Variants in CFHR5 observed in about 807,000 individuals in gnomAD.
CFHR5 encodes complement factor H-related protein 5.
CFHR5 carries 73 observed loss-of-function variants against 62.9 expected under a neutral mutation model. That is an observed-to-expected ratio of 1.16 (90% CI 0.96 to 1.41). The LOEUF (loss-of-function observed/expected upper bound fraction) is 1.41, where lower values mean the gene tolerates loss of function less well. Among genes scored for constraint, CFHR5 ranks in the 40% most tolerant of loss-of-function variants. The pLI is 0.00. For missense variants in CFHR5, 779 were observed against 679.9 expected, an observed-to-expected ratio of 1.15 and a Z score of -1.62; for synonymous variants, 249 against 227.2, an observed-to-expected ratio of 1.10 and a Z score of -0.86.
At chr1:196,997,260 G>A (rs1218628798) in intron 6 of CFHR5, among the ~76,000 whole-genome samples, 2 of 152,148 alleles carry the variant, frequency 1.3e-5, no homozygotes, top group African/African-American at 4.8e-5. Context: ...GTGAGGGAAT[G>A]TTTTCCACTA....
chr1:196,984,269 A>G (rs886648812), intron 3 of CFHR5, 132 bp downstream of exon 3: 3 of 807,962 alleles, frequency 3.7e-6, no homozygotes, highest in Admixed American at 2.2e-5. Context: ...TTCGGTTCCA[A>G]TTGTGTCTAA....
intron 3 of CFHR5, among the ~76,000 whole-genome samples, chr1:196,987,521 T>C (rs1653725053): frequency 1.3e-5 from 2 of 152,318 alleles, no homozygotes; most frequent in South Asian, 2.1e-4. Context: ...CTTTAATCCA[T>C]CTTGAATTAA....
Position 197,001,557 on chromosome 1 carries a change from T to A in CFHR5, c.1148-925T>A, listed in dbSNP as rs184648061. ...TTTTTTTCACTGAATATGTTTTTTT[T>A]AATTATTGTTATACTTTAAGTTTTA... On this transcript the variant is annotated intron_variant, in intron 7 of 9. Coordinates refer to ENST00000256785, the MANE Select transcript of CFHR5 (RefSeq NM_030787.4). Among the ~76,000 whole-genome samples, 571 of 152,288 alleles carry A rather than the reference T, an allele frequency of 3.7e-3. 1 individual carries two copies. Among genetic ancestry groups the A allele is most frequent in the African/African-American group, 0.013 (548 of 41,550 alleles).
chr1:197,000,602 A>G (rs1450477308), intron 7 of CFHR5, among the ~76,000 whole-genome samples: 2 of 152,116 alleles, frequency 1.3e-5, no homozygotes, highest in Non-Finnish European at 2.9e-5. Context: ...TTATTTGTAC[A>G]TTTGAGATTA....
chr1:196,999,103 T>C (rs2125036925), intron 7 of CFHR5, among the ~76,000 whole-genome samples: 1 of 151,984 alleles, frequency 6.6e-6, no homozygotes, highest in South Asian at 2.1e-4. Context: ...AAAGAAATCA[T>C]ATAAAATACA....
rs181511327 is a variant in CFHR5 at position 196,994,081 on chromosome 1, A to T, written c.432A>T (p.Lys144Asn). ...ATGTTCATTTAATTTTATTTTTAGAAGGAGAATGTCATGTTCCAATTTTAG... is the reference window on the plus strand; with the variant it reads ...ATGTTCATTTAATTTTATTTTTAGATGGAGAATGTCATGTTCCAATTTTAG... The part of the protein sequence containing the change: ...WSTPPICSFT[K>N]GECHVPILEA... The change falls in exon 4 of 10, where the codon AAA becomes AAT. Residue 144 changes from lysine to asparagine, a missense_variant and splice_region_variant. Coordinates refer to ENST00000256785, the MANE Select transcript of CFHR5 (RefSeq NM_030787.4). 1,203 of 1,609,644 alleles carry T rather than the reference A, an allele frequency of 7.5e-4. 1 individual carries two copies. The highest frequency in any genetic ancestry group is 6.8e-3 in the Middle Eastern group (40 of 5,912).
chr1:196,983,202 G>T, intron 2 of CFHR5, 123 bp downstream of exon 2: 2 of 1,265,770 alleles, frequency 1.6e-6, no homozygotes, highest in Non-Finnish European at 2.3e-6. Context: ...AAAAATGGGA[G>T]ATGTAGTCCT....
At chr1:196,989,071 T>C (rs1163631741) in intron 3 of CFHR5, among the ~76,000 whole-genome samples, 8 of 151,954 alleles carry the variant, frequency 5.3e-5, no homozygotes, top group Admixed American at 5.2e-4. Context: ...TATTCAGAGA[T>C]TCAACTTCTT....
chr1:196,984,025 A>G lies in CFHR5; in HGVS notation c.318A>G (p.Glu106=), dbSNP rs1245324035. 1 of 1,612,698 alleles carries G rather than the reference A, an allele frequency of 6.2e-7. No homozygotes were observed. ...HSESSGLIHL[E]GDTVQIICNT... ...AATCTTCAGGACTAATACATCTGGA[A>G]GGTGATACTGTACAAATTATTTGCA... is the stretch of plus-strand genomic sequence containing the variant. Residue 106 remains glutamate (E), a synonymous_variant, in exon 3 of 10, where the codon GAA becomes GAG. Transcript: ENST00000256785.
chr1:196,994,982 C>T (rs1653950812), intron 4 of CFHR5, among the ~76,000 whole-genome samples: 1 of 152,064 alleles, frequency 6.6e-6, no homozygotes, highest in Non-Finnish European at 1.5e-5. Flanking sequence ...CAATTACCTC[C>T]CACCAGGTTC....
intron 3 of CFHR5, among the ~76,000 whole-genome samples, chr1:196,992,128 T>G (rs969605671): frequency 7.9e-5 from 12 of 152,140 alleles, no homozygotes; most frequent in African/African-American, 2.7e-4. Context: ...GGCTGCTGCC[T>G]CACAGGTCGA....
intron 5 of CFHR5, 59 bp from the exon 6 acceptor site, chr1:196,995,963 C>T: frequency 1.9e-6 from 3 of 1,590,198 alleles, no homozygotes; most frequent in Non-Finnish European, 2.6e-6. Flanking sequence ...TATAAATACA[C>T]ATGTAAACAG....
At chr1:197,002,763 G>C in intron 8 of CFHR5, 99 bp downstream of exon 8, 1 of 985,772 alleles carries the variant, frequency 1.0e-6, no homozygotes, top group Non-Finnish European at 1.6e-6. Context: ...CTAATCTGTT[G>C]CACTGTACCC....
At chr1:196,975,464 A>T (rs938788788), upstream of CFHR5, among the ~76,000 whole-genome samples, 1 of 152,216 alleles carries the variant, frequency 6.6e-6, no homozygotes, top group Non-Finnish European at 1.5e-5. Context: ...GAATAATTGA[A>T]AGAGCAAAAT....
rs771928486 is a variant in CFHR5 at position 196,977,680 on chromosome 1, A to G, written c.16A>G (p.Ser6Gly). Reference protein sequence around the residue: MLLLFSVILISWVSTV... With the variant: MLLLFGVILISWVSTV... ...ACTACCAAGCATGTTGCTCTTATTC[A>G]GTGTAATCCTAATCTCATGGGTATC... Residue 6 changes from serine to glycine, a missense_variant, in exon 1 of 10, where the codon AGT becomes GGT. Coordinates refer to ENST00000256785, the MANE Select transcript of CFHR5 (RefSeq NM_030787.4). 20 of 1,612,848 alleles carry G rather than the reference A, an allele frequency of 1.2e-5. No homozygotes were observed. Among genetic ancestry groups the G allele is most frequent in the Non-Finnish European group, 1.7e-5 (20 of 1,179,090 alleles).
intron 1 of CFHR5, among the ~76,000 whole-genome samples, chr1:196,979,467 A>G (rs1369352816): frequency 6.6e-6 from 1 of 152,142 alleles, no homozygotes; most frequent in African/African-American, 2.4e-5. Flanking sequence ...ATGTTACTGT[A>G]CTGAATACTG....
Position 196,994,277 on chromosome 1 carries a change from T to C in CFHR5, c.607+21T>C, listed in dbSNP as rs746120951. 7.6e-6 allele frequency: 12 copies of C among 1,585,770 alleles called. 2 individuals are homozygous for C. In the South Asian group the frequency reaches 1.3e-4, roughly 18 times the overall value. ...CAAAGGTCAGTATTTATTTTAGAAG[T>C]GATGAAACAAGAATTTGATTTTTAT... On this transcript the variant is annotated intron_variant, in intron 4 of 9. Transcript: ENST00000256785.
At chr1:196,993,907 G>C (rs933683533) in intron 3 of CFHR5, among the ~76,000 whole-genome samples, 173 bp from the exon 4 acceptor site, 5 of 152,076 alleles carry the variant, frequency 3.3e-5, no homozygotes, top group African/African-American at 1.2e-4. Context: ...TTTGCCTGAG[G>C]GGTCTTAGAT....
At chr1:196,980,968 C>T (rs1653526940) in intron 1 of CFHR5, among the ~76,000 whole-genome samples, 2 of 152,022 alleles carry the variant, frequency 1.3e-5, no homozygotes, top group South Asian at 2.1e-4. Context: ...TATCAAGACA[C>T]GAGGGAGTCT....
Sources: allele counts gnomAD v4.1 joint callset (sites outside exome capture counted in the v4.1 genomes callset), GRCh38; gene constraint gnomAD v4.1.1; transcripts MANE v1.5; gene names NCBI Gene and HGNC (gene_info 2026-07-23, HGNC 2026-07-21).